The following AK7 variants were observed in gnomAD, a reference collection of about 807,000 sequenced individuals.
The protein encoded by AK7 is ATP-AMP transphosphorylase 7.
In AK7, 78 loss-of-function variants were observed where a neutral mutation model predicts 96.6. The ratio of observed to expected loss-of-function variants is 0.81; its 90% CI spans 0.67 to 0.97. The LOEUF is 0.97. AK7 is among the 50% of genes least tolerant of loss of function. AK7 has a pLI of 0.00. For missense variants in AK7, 855 were observed against 887.9 expected (o/e 0.96, Z 0.47); for synonymous variants, 302 against 317.2 (o/e 0.95, Z 0.51).
chr14:96,468,441 A>G (rs1199393834), intron 12 of AK7, among the ~76,000 whole-genome samples: 2 of 151,652 alleles, frequency 1.3e-5, no homozygotes, highest in African/African-American at 4.8e-5. Context: ...GACTACAGGC[A>G]CATGCCACCA....
intron 14 of AK7, among the ~76,000 whole-genome samples, chr14:96,473,742 A>G (rs888678861): frequency 5.9e-5 from 9 of 152,186 alleles, no homozygotes; most frequent in African/African-American, 2.2e-4. Flanking sequence ...TAACAAAGCA[A>G]AAGGTAGCAA....
rs199582808 is a variant in AK7, at chr14:96,403,114, T to A, written c.295-1643T>A. On this transcript the variant is annotated intron_variant, in intron 2 of 17. Coordinates refer to ENST00000267584, the MANE Select transcript of AK7 (RefSeq NM_152327.5). The stretch of plus-strand genomic sequence containing the variant: ...CTGGGCAACAGAGCAAGACTCTGTC[T>A]TAAATAAATAAATAAATAAATAAAT... 1.0e-4 allele frequency among the ~76,000 whole-genome samples: 14 copies of A among 140,374 alleles called. No homozygotes were observed. The East Asian group carries it at 2.5e-3, about 26-fold the overall frequency. The allele number at this position is 140,374 out of a possible 152,430, so 92.1% of individuals were successfully genotyped here. A position where few individuals can be genotyped will look rare whatever the true frequency, so the allele number is the denominator to read the frequency against.
intron 13 of AK7, 145 bp downstream of exon 13, chr14:96,471,751 CT>C (rs920382929): frequency 1.3e-3 from 844 of 650,826 alleles, no homozygotes; most frequent in Middle Eastern, 1.9e-3. Context: ...CTTTACGTAG[CT>C]TTTTTTTTTC....
At chr14:96,423,083 G>A (rs536625138) in intron 5 of AK7, among the ~76,000 whole-genome samples, 20 of 152,160 alleles carry the variant, frequency 1.3e-4, no homozygotes, top group Non-Finnish European at 2.8e-4. Flanking sequence ...AGCTAGTACT[G>A]CTGCCCATCT....
At chr14:96,451,159 T>G (rs1371316559) in intron 9 of AK7, among the ~76,000 whole-genome samples, 4 of 152,188 alleles carry the variant, frequency 2.6e-5, no homozygotes, top group Admixed American at 2.6e-4. Flanking sequence ...ATTAAAATTT[T>G]TAAAAAAGAA....
Position 96,488,614 on chromosome 14 carries a change from A to G in AK7, c.*271A>G. 3.1e-6 allele frequency: 1 copy of G among 324,654 alleles called. No individual in the cohort carries two copies. Among genetic ancestry groups the G allele is most frequent in the Non-Finnish European group, 5.7e-6 (1 of 174,886 alleles). 20.1% of individuals were successfully genotyped at this position (324,654 alleles called of 1,614,324 possible). On this transcript the variant is annotated 3_prime_UTR_variant, in exon 18 of 18. Transcript: ENST00000267584. ...TTATTCTTTAGTCAGATCTAAATAT[A>G]CCGCTTCTGTACACTAATGTTTATA...
Position 96,486,958 on chromosome 14 carries a change from C to G in AK7, c.2035C>G (p.Pro679Ala), listed in dbSNP as rs1470320597. 6.2e-7 allele frequency: 1 copy of G among 1,613,520 alleles called. No homozygotes were observed. Among genetic ancestry groups the G allele is most frequent in the African/African-American group, 1.3e-5 (1 of 74,878 alleles). The change falls in exon 17 of 18, where the codon CCC becomes GCC. Residue 679 changes from proline (P) to alanine (A), a missense_variant. Pro to Ala is a conservative substitution (Grantham distance 27). Coordinates refer to ENST00000267584, the MANE Select transcript of AK7 (RefSeq NM_152327.5). The part of the protein sequence containing the change: ...ERELLEAQSI[P>A]LRNYLMTYVM... ...AGAATTACTGGAGGCTCAGTCAATT[C>G]CCCTGAGAAACTATTTAATGACCTA... is the stretch of plus-strand genomic sequence containing the variant.
At chr14:96,450,838 G>A (rs987442249) in intron 9 of AK7, among the ~76,000 whole-genome samples, 2 of 145,104 alleles carry the variant, frequency 1.4e-5, no homozygotes, top group Non-Finnish European at 3.0e-5. Flanking sequence ...GCAGTGGCGC[G>A]ATCTCGGCTC....
chr14:96,442,898 G>A, intron 7 of AK7, 80 bp downstream of exon 7: 2 of 1,298,524 alleles, frequency 1.5e-6, no homozygotes, highest in Non-Finnish European at 2.2e-6. Flanking sequence ...TTGAGCATTT[G>A]CCTAGTGCTA....
chr14:96,435,414 A>C (rs1566782808), intron 5 of AK7, among the ~76,000 whole-genome samples: 2 of 152,066 alleles, frequency 1.3e-5, no homozygotes, highest in South Asian at 4.2e-4. Context: ...TAGATGCAAG[A>C]CAAAGTCCCC....
intron 5 of AK7, among the ~76,000 whole-genome samples, chr14:96,430,727 A>T (rs1348668311): frequency 6.6e-6 from 1 of 152,026 alleles, no homozygotes; most frequent in East Asian, 1.9e-4. Context: ...ATTGGTCTAA[A>T]ATTCTCTTGT....
intron 14 of AK7, among the ~76,000 whole-genome samples, chr14:96,476,292 G>C (rs1013489904): frequency 1.3e-5 from 2 of 152,108 alleles, no homozygotes; most frequent in African/African-American, 4.8e-5. Context: ...GATCACCTGA[G>C]GTCAGGAGTT....
At position 96,473,782 on chromosome 14, in the gene AK7, T is replaced by A. The variant is rs1185963484; in HGVS notation, c.1555+1027T>A. Among the ~76,000 whole-genome samples, 4 of 152,288 alleles carry A rather than the reference T, an allele frequency of 2.6e-5. No homozygotes were observed. The East Asian group carries it at 7.7e-4, about 29-fold the overall frequency. ...GCTGATGGCTTGACTTCGTGAGTCA[T>A]GTAGCCTCCTTCCCTGCCCTGGTTT... On this transcript the variant is annotated intron_variant, in intron 14 of 17. Coordinates refer to ENST00000267584, the MANE Select transcript of AK7 (RefSeq NM_152327.5).
chr14:96,434,772 A>C (rs1258299056), intron 5 of AK7, among the ~76,000 whole-genome samples: 1 of 152,112 alleles, frequency 6.6e-6, no homozygotes, highest in African/African-American at 2.4e-5. Flanking sequence ...CTGGCGTTCT[A>C]TTGTATTGCG....
intron 14 of AK7, among the ~76,000 whole-genome samples, chr14:96,474,266 T>C (rs559446414): frequency 1.3e-5 from 2 of 152,176 alleles, no homozygotes; most frequent in Admixed American, 1.3e-4. Context: ...CTGGAAGGAC[T>C]GAGACCACCA....
rs34222287 is a variant in AK7, at chr14:96,402,185, G to GCACACACACA, written c.295-2547_295-2538dup. 5.4e-3 allele frequency among the ~76,000 whole-genome samples: 792 copies of GCACACACACA among 146,258 alleles called. 4 individuals carry two copies. The highest frequency in any genetic ancestry group is 7.8e-3 in the Non-Finnish European group (514 of 66,120). ...TTCTCAAGAAAGTGCATACACAGATGCACACACACACACACACACACACAC... is the reference window on the plus strand; with the variant it reads ...TTCTCAAGAAAGTGCATACACAGATGCACACACACACACACACACACACACACACACACAC... On this transcript the variant is annotated intron_variant, in intron 2 of 17. Coordinates refer to ENST00000267584, the MANE Select transcript of AK7 (RefSeq NM_152327.5).
At position 96,398,282 on chromosome 14, in the gene AK7, G is replaced by T. The variant is rs773169247; in HGVS notation, c.294+19G>T. On this transcript the variant is annotated intron_variant, in intron 2 of 17. Coordinates refer to ENST00000267584, the MANE Select transcript of AK7 (RefSeq NM_152327.5). ...GTACTCTGTAAGTCCCGGAGGCTCT[G>T]GCCAGGAGTAGACAGAGGGAAGAGT... The T allele has an allele frequency of 1.2e-6, 2 of 1,611,796 alleles. No individual in the cohort carries two copies.
intron 5 of AK7, among the ~76,000 whole-genome samples, chr14:96,426,612 C>T (rs1892043262): frequency 6.6e-6 from 1 of 152,038 alleles, no homozygotes; most frequent in Non-Finnish European, 1.5e-5. Flanking sequence ...TGATGAAATC[C>T]TTCAGCTTTT....
At chr14:96,457,222 G>A (rs746928082) in intron 11 of AK7, among the ~76,000 whole-genome samples, 35 of 151,742 alleles carry the variant, frequency 2.3e-4, no homozygotes, top group Non-Finnish European at 4.1e-4. Context: ...CACTATGCCC[G>A]GCTAATTTTT....
Sources: gnomAD v4.1 joint callset for allele counts (sites outside exome capture counted in the v4.1 genomes callset) on GRCh38, gnomAD v4.1.1 for gene constraint, MANE v1.5 for transcripts, NCBI Gene and HGNC (gene_info 2026-07-23, HGNC 2026-07-21) for gene names.